AP1G1: variants seen among roughly 807,000 people sequenced by gnomAD.
AP1G1 encodes the protein AP-1 complex subunit gamma-1.
AP1G1 carries 7 observed loss-of-function variants against 108.3 expected under a neutral mutation model. The ratio of observed to expected loss-of-function variants is 0.06; its 90% confidence interval spans 0.04 to 0.12. The LOEUF is 0.12. AP1G1 is among the 10% of genes least tolerant of loss of function. The pLI is 1.00. For synonymous variants in AP1G1, 379 were observed against 353.5 expected, an observed-to-expected ratio of 1.07 and a Z score of -0.81; for missense variants, 756 against 1,010.7, an observed-to-expected ratio of 0.75 and a Z score of 3.42.
intron 10 of AP1G1, among the ~76,000 whole-genome samples, chr16:71,761,066 C>G (rs376141746): frequency 1.1e-4 from 17 of 152,240 alleles, no homozygotes; most frequent in Admixed American, 9.2e-4. Flanking sequence ...AAACTACAGC[C>G]CACCTGTAAA....
chr16:71,755,054 A>G (rs1456517393), intron 12 of AP1G1, among the ~76,000 whole-genome samples: 1 of 152,226 alleles, frequency 6.6e-6, no homozygotes, highest in Non-Finnish European at 1.5e-5. Context: ...CTGTACTACT[A>G]AAATCATAAG....
intron 21 of AP1G1, among the ~76,000 whole-genome samples, chr16:71,736,529 C>T (rs1449360991): frequency 6.7e-6 from 1 of 148,964 alleles, no homozygotes; most frequent in African/African-American, 2.5e-5. Context: ...TACAGGCGCC[C>T]GCCACCACGC....
At chr16:71,775,456 G>T (rs943716985) in intron 2 of AP1G1, among the ~76,000 whole-genome samples, 6 of 152,088 alleles carry the variant, frequency 3.9e-5, no homozygotes, top group African/African-American at 1.4e-4. Flanking sequence ...TAATCTCTCA[G>T]TTTTGCATTA....
Position 71,791,612 on chromosome 16 carries a change from G to A in AP1G1, c.-3-2130C>T, listed in dbSNP as rs1029454034. ...AGGCAGGAGGATAGCCTGAGCCCTA[G>A]AGGCTGAGGCTGCAGTAAGCTGTGA... is the stretch of plus-strand genomic sequence containing the variant. On this transcript the variant is annotated intron_variant, in intron 1 of 22. Coordinates refer to ENST00000299980, the MANE Select transcript of AP1G1 (RefSeq NM_001128.6). 2.0e-5 allele frequency among the ~76,000 whole-genome samples: 3 copies of A among 149,096 alleles called. No individual in the cohort carries two copies. The Admixed American group carries it at 2.0e-4, about 10-fold the overall frequency.
rs531611858 is a variant in AP1G1 at position 71,785,481 on chromosome 16, A to G, written c.201+3798T>C. 9.3e-5 allele frequency among the ~76,000 whole-genome samples: 14 copies of G among 151,196 alleles called. 1 individual carries two copies. The East Asian group carries it at 2.7e-3, about 30-fold the overall frequency. Reference sequence around the variant, plus strand: ...GCCCAGCTACTCAGGAGGCTGAGGCAGGAGAATCGCTTGAACCTGGGTAGT... The same window carrying G: ...GCCCAGCTACTCAGGAGGCTGAGGCGGGAGAATCGCTTGAACCTGGGTAGT... On this transcript the variant is annotated intron_variant, in intron 2 of 22. Coordinates refer to ENST00000299980, the MANE Select transcript of AP1G1 (RefSeq NM_001128.6).
chr16:71,773,911 C>T (rs368570902), intron 3 of AP1G1, among the ~76,000 whole-genome samples: 61 of 151,030 alleles, frequency 4.0e-4, no homozygotes, highest in African/African-American at 1.2e-3. Context: ...TACAGGCGCA[C>T]GCCACCACGT....
intron 2 of AP1G1, 98 bp downstream of exon 2, chr16:71,789,181 G>T: frequency 9.1e-7 from 1 of 1,103,438 alleles, no homozygotes; most frequent in Non-Finnish European, 1.3e-6. Flanking sequence ...CAGACTACAA[G>T]GCTATCAAAA....
chr16:71,770,491 TGA>T (rs1246140894), intron 5 of AP1G1, among the ~76,000 whole-genome samples: 1 of 152,258 alleles, frequency 6.6e-6, no homozygotes, highest in Admixed American at 6.5e-5. Flanking sequence ...TCACAATTTT[TGA>T]GTCTGGCAGG....
At chr16:71,758,464 C>T (rs762468636) in intron 11 of AP1G1, 11 of 531,244 alleles carry the variant, frequency 2.1e-5, no homozygotes, top group Non-Finnish European at 3.4e-5. Flanking sequence ...TGGATCACTC[C>T]GTACTTTCAT....
chr16:71,734,533 GA>G lies in AP1G1; in HGVS notation c.2367+75del. 3.9e-6 allele frequency: 5 copies of G among 1,268,688 alleles called. No individual in the cohort carries two copies. In the East Asian group the frequency reaches 1.2e-4, roughly 30 times the overall value. 78.6% of individuals were successfully genotyped at this position (1,268,688 alleles called of 1,614,324 possible). On this transcript the variant is annotated intron_variant, in intron 22 of 22. Transcript: ENST00000299980. ...TAACTATGAGTCAGAAAAACCTAAAGAAACAAAGCAGAATTTTATTTCGGGA... is the reference window on the plus strand; with the variant it reads ...TAACTATGAGTCAGAAAAACCTAAAGAACAAAGCAGAATTTTATTTCGGGA...
intron 11 of AP1G1, chr16:71,758,267 A>G: frequency 8.3e-6 from 3 of 359,944 alleles, no homozygotes; most frequent in South Asian, 6.4e-5. Flanking sequence ...GAAGACATCC[A>G]GTAGAATTAC....
chr16:71,745,189 C>T lies in AP1G1; in HGVS notation c.1954G>A (p.Ala652Thr), dbSNP rs1467227203. Residue 652 changes from alanine to threonine, a missense_variant, in exon 19 of 23, where the codon GCT (alanine) becomes ACT (threonine). Ala to Thr is a moderately conservative substitution (Grantham distance 58). Transcript: ENST00000299980. ...AGCAAATCAAGAAGTTCTCCACCAG[C>T]AGAAGATGGTTTGCTTGTAGGCGCA... ...PTAPTSKPSS[A>T]GGELLDLLGD... 6.2e-7 allele frequency: 1 copy of T among 1,614,148 alleles called. No homozygotes were observed. The highest frequency in any genetic ancestry group is 8.5e-7 in the Non-Finnish European group (1 of 1,180,028).
At chr16:71,746,888 G>T (rs1221337267) in intron 16 of AP1G1, 196 bp from the exon 17 acceptor site, 4 of 425,218 alleles carry the variant, frequency 9.4e-6, no homozygotes, top group Middle Eastern at 6.6e-4. Context: ...TATTCTCATT[G>T]TAACACTAGA....
intron 19 of AP1G1, among the ~76,000 whole-genome samples, chr16:71,740,544 T>A (rs185070944): frequency 6.6e-6 from 1 of 152,204 alleles, no homozygotes; most frequent in Admixed American, 6.5e-5. Flanking sequence ...TATATTGATA[T>A]ACTAAAATAC....
chr16:71,801,835 T>C (rs1319110946), intron 1 of AP1G1, among the ~76,000 whole-genome samples: 1 of 145,904 alleles, frequency 6.9e-6, no homozygotes, highest in Non-Finnish European at 1.5e-5. Flanking sequence ...GGCAGGAGAA[T>C]GGCATGAACC....
In AP1G1 at chr16:71,789,457, C is replaced by T. The variant is rs1175705132; in HGVS notation, c.23G>A (p.Arg8Gln). Residue 8 changes from arginine (R) to glutamine (Q), a missense_variant, in exon 2 of 23, where the codon CGG (arginine) becomes CAG (glutamine). By Grantham distance (43) the Arg-to-Gln change is conservative. This residue lies in a region of AP1G1 where 304 missense variants were observed against 483.6 expected (regional missense o/e 0.63). Coordinates refer to ENST00000299980, the MANE Select transcript of AP1G1 (RefSeq NM_001128.6). MPAPIRL[R>Q]ELIRTIRTAR... ...TGTCCGGATGGTCCGGATCAGCTCC[C>T]GCAATCTGATGGGGGCTGGCATCCT... 1.2e-6 allele frequency: 2 copies of T among 1,614,076 alleles called. No individual in the cohort carries two copies. Among genetic ancestry groups the T allele is most frequent in the Non-Finnish European group, 1.7e-6 (2 of 1,180,020 alleles).
chr16:71,779,406 C>G (rs1048256232), intron 2 of AP1G1, among the ~76,000 whole-genome samples: 1 of 151,988 alleles, frequency 6.6e-6, no homozygotes, highest in Admixed American at 6.6e-5. Flanking sequence ...GGTGCTATCT[C>G]GGCTCAACAC....
At chr16:71,750,022 T>C in intron 14 of AP1G1, 39 bp from the exon 15 acceptor site, 1 of 1,568,394 alleles carries the variant, frequency 6.4e-7, no homozygotes. Context: ...AGAACTTCAA[T>C]TTTTCCAAAG....
chr16:71,730,082 A>G lies in AP1G1; in HGVS notation c.*2976T>C, dbSNP rs1333671963. On this transcript the variant is annotated 3_prime_UTR_variant, in exon 23 of 23. Coordinates refer to ENST00000299980, the MANE Select transcript of AP1G1 (RefSeq NM_001128.6). The stretch of plus-strand genomic sequence containing the variant: ...CACACCTTTAAACTAGCAAGAGGAA[A>G]GAATCCCCTCCCAAATGTTACACTG... The G allele has an allele frequency of 1.3e-5, 2 of 152,638 alleles. No homozygotes were observed. Among genetic ancestry groups the G allele is most frequent in the Admixed American group, 6.5e-5 (1 of 15,276 alleles). The allele number at this position is 152,638 out of a possible 1,614,324, so 9.5% of individuals were successfully genotyped here. A position where few individuals can be genotyped will look rare whatever the true frequency, so the allele number is the denominator to read the frequency against.
Sources: gnomAD v4.1 joint callset for allele counts (sites outside exome capture counted in the v4.1 genomes callset) on GRCh38, gnomAD v4.1.1 for gene constraint, gnomAD v4.1.1 regional missense constraint, MANE v1.5 for transcripts, NCBI Gene and HGNC (gene_info 2026-07-23, HGNC 2026-07-21) for gene names.